Variants in PERM1 observed in about 807,000 individuals in gnomAD.
PERM1 encodes PPARGC1 and ESRR induced regulator, muscle 1, also known as PGC-1 and ERR-induced regulator in muscle protein 1.
PERM1 carries 45 observed loss-of-function variants against 44.1 expected under a neutral mutation model. The observed-to-expected ratio is 1.02, with a 90% CI of 0.80 to 1.31. PERM1 has a LOEUF of 1.31. PERM1 is among the 50% of genes most tolerant of loss of function. The pLI is 0.00. For missense variants in PERM1, 1,189 were observed against 1,106.9 expected, an observed-to-expected ratio of 1.07 and a Z score of -1.05; for synonymous variants, 565 against 477.1, an observed-to-expected ratio of 1.18 and a Z score of -2.40.
At chr1:981,208 C>A, upstream of PERM1, 1 of 1,534,718 alleles carries the variant, frequency 6.5e-7, no homozygotes, top group Non-Finnish European at 8.8e-7. Context: ...GAGGGGAGGG[C>A]CGCGCTTCCT....
exon 1 of PERM1, chr1:979,264 C>T (rs1419716238): frequency 2.6e-6 from 4 of 1,549,736 alleles, no homozygotes; most frequent in Non-Finnish European, 3.5e-6. Context: ...GATGGTGTCA[C>T]AGAAGAAGAA....
At chr1:976,201 G>A in exon 3 of PERM1, 3 of 1,544,360 alleles carry the variant, frequency 1.9e-6, no homozygotes, top group Non-Finnish European at 2.6e-6. Flanking sequence ...CTGTGGCTGC[G>A]GCGCCCTTGC....
Position 976,479 on chromosome 1 carries a change from C to T in PERM1, c.2275+20G>A. The T allele has an allele frequency of 6.5e-7, 1 of 1,549,458 alleles. No homozygotes were observed. The highest frequency in any genetic ancestry group is 8.7e-7 in the Non-Finnish European group (1 of 1,146,356). On this transcript the variant is annotated intron_variant, in intron 2 of 2. Transcript: ENST00000433179. Reference sequence around the variant, plus strand: ...GTCTGGCTTCTAGGCGCAGCTCCCTCTGCCCCCAGGCACCCAAACCTGTTT... The same window carrying T: ...GTCTGGCTTCTAGGCGCAGCTCCCTTTGCCCCCAGGCACCCAAACCTGTTT...
At chr1:979,532 T>C in exon 1 of PERM1, 1 of 1,549,964 alleles carries the variant, frequency 6.5e-7, no homozygotes, top group South Asian at 1.2e-5. Flanking sequence ...TTCTTCTTCC[T>C]GGGGACTTGG....
chr1:978,947 C>T, exon 1 of PERM1: 4 of 1,507,804 alleles, frequency 2.7e-6, no homozygotes, highest in South Asian at 1.3e-5. Flanking sequence ...CCAGGCCCCG[C>T]CCCCTCGGAG....
exon 1 of PERM1, chr1:979,704 G>A (rs749972921): frequency 3.4e-5 from 52 of 1,550,182 alleles, no homozygotes; most frequent in Non-Finnish European, 3.8e-5. Context: ...ACACAAGCCC[G>A]CTGGACTCGG....
At chr1:978,941 G>A in exon 1 of PERM1, 1 of 1,508,690 alleles carries the variant, frequency 6.6e-7, no homozygotes, top group South Asian at 1.3e-5. Context: ...GGGGTCCCAG[G>A]CCCCGCCCCC....
At chr1:979,515 G>C (rs981441147) in exon 1 of PERM1, 4 of 1,549,836 alleles carry the variant, frequency 2.6e-6, no homozygotes, top group South Asian at 2.4e-5. Context: ...CCACGGAGAA[G>C]CGCACTTTCT....
In PERM1 at chr1:976,495, A is replaced by C. The variant is rs2100494170; in HGVS notation, c.2275+4T>G. ...CAGCTCCCTCTGCCCCCAGGCACCC[A>C]AACCTGTTTTCCAGGCGTCTGGGGT... On this transcript the variant is annotated splice_donor_region_variant and intron_variant, in intron 2 of 2. Coordinates refer to ENST00000433179, the Ensembl canonical transcript of PERM1. 6.5e-7 allele frequency: 1 copy of C among 1,549,490 alleles called. No individual in the cohort carries two copies. The highest frequency in any genetic ancestry group is 2.4e-5 in the East Asian group (1 of 40,904).
chr1:978,604 C>A (rs557000797), intron 1 of PERM1, among the ~76,000 whole-genome samples: 1 of 152,216 alleles, frequency 6.6e-6, no homozygotes, highest in South Asian at 2.1e-4. Flanking sequence ...TGGGCGGGAA[C>A]CCTGCCAGAG....
exon 1 of PERM1, chr1:979,102 A>C: frequency 6.5e-7 from 1 of 1,549,686 alleles, no homozygotes; most frequent in Non-Finnish European, 8.7e-7. Context: ...GGGGGCCGGC[A>C]CAGGATCAGC....
chr1:981,771 G>C (rs1643796994), upstream of PERM1, among the ~76,000 whole-genome samples: 2 of 152,236 alleles, frequency 1.3e-5, no homozygotes, highest in African/African-American at 4.8e-5. Context: ...CACGATCCAG[G>C]CCTGCCCGGC....
exon 1 of PERM1, chr1:979,560 T>C (rs13303033): frequency 0.57 from 885,176 of 1,549,918 alleles, 257,543 homozygotes; most frequent in East Asian, 0.75. Flanking sequence ...CCAGTGCGGG[T>C]GCCCCAGAGC....
chr1:979,095 G>T, exon 1 of PERM1: 1 of 1,549,514 alleles, frequency 6.5e-7, no homozygotes, highest in Non-Finnish European at 8.7e-7. Context: ...CAGGTATGGG[G>T]GCCGGCACAG....
rs935743297 is a variant in PERM1, at chr1:979,631, G to A, written c.1399C>T (p.Pro467Ser). ...ACCGCCTCCATCTCCACCACATCAG[G>A]CCCAGCTCTGCGGGTGGGAGGCCAG... Residue 467 changes from proline to serine, a missense_variant, in exon 1 of 3, where the codon CCT becomes TCT. Physicochemically the swap from Pro to Ser is moderately conservative, Grantham distance 74 (BLOSUM62 -1). This residue lies in a region of PERM1 where 900 missense variants were observed against 760.4 expected (regional missense o/e 1.18). Coordinates refer to ENST00000433179, the Ensembl canonical transcript of PERM1. The A allele has an allele frequency of 8.4e-6, 13 of 1,550,150 alleles. No individual in the cohort carries two copies. In the African/African-American group the frequency reaches 1.2e-4, roughly 15 times the overall value.
At position 978,856 on chromosome 1, in the gene PERM1, G is replaced by C. The variant is rs1381029639; in HGVS notation, c.2149+25C>G. 2.8e-6 allele frequency: 4 copies of C among 1,452,488 alleles called. No homozygotes were observed. The South Asian group carries it at 5.8e-5, about 21-fold the overall frequency. The allele number at this position is 1,452,488 out of a possible 1,614,324, so 90.0% of individuals were successfully genotyped here. ...ACAGTGTGTGCCTGGGATCTGGACG[G>C]GCTGTGGGATCCGAGAGCACGTACC... On this transcript the variant is annotated intron_variant, in intron 1 of 2. Coordinates refer to ENST00000433179, the Ensembl canonical transcript of PERM1.
At position 979,790 on chromosome 1, in the gene PERM1, A is replaced by G. The variant is rs753482081; in HGVS notation, c.1240T>C (p.Leu414=). Residue 414 remains leucine (L), a synonymous_variant, in exon 1 of 3, where the codon TTG becomes CTG. Transcript: ENST00000433179. ...TTAGCCACTGGGCCTGCTGTAGGCA[A>G]GGCCACATCCAGGCCATGTTTGGAG... 27 of 1,550,242 alleles carry G rather than the reference A, an allele frequency of 1.7e-5. No homozygotes were observed. In the African/African-American group the frequency reaches 3.1e-4, roughly 18 times the overall value.
chr1:976,224 C>T, exon 3 of PERM1: 2 of 1,537,990 alleles, frequency 1.3e-6, no homozygotes, highest in South Asian at 1.2e-5. Context: ...CACCTGCCGG[C>T]GGAAGTAGCG....
chr1:980,354 C>T lies in PERM1; in HGVS notation c.676G>A (p.Glu226Lys). Residue 226 changes from glutamate (E) to lysine (K), a missense_variant, in exon 1 of 3, where the codon GAG becomes AAG. Glu to Lys is a moderately conservative substitution (Grantham distance 56). This residue lies in a region of PERM1 where 15 missense variants were observed against 28.6 expected (regional missense o/e 0.52). Coordinates refer to ENST00000433179, the Ensembl canonical transcript of PERM1. ...CCTGCAGGACCTGGCCCCAACTCCT[C>T]CTGCCCGGCTTTGGCCATCAGCTTT... 6 of 1,550,206 alleles carry T rather than the reference C, an allele frequency of 3.9e-6. No homozygotes were observed. The South Asian group carries it at 4.8e-5, about 12-fold the overall frequency.
Sources: allele counts gnomAD v4.1 joint callset (sites outside exome capture counted in the v4.1 genomes callset), GRCh38; gene constraint gnomAD v4.1.1; regional missense constraint gnomAD v4.1.1; transcripts MANE v1.5; gene names NCBI Gene and HGNC (gene_info 2026-07-23, HGNC 2026-07-21).